Variants in MALRD1 observed in about 807,000 individuals in gnomAD.
The protein encoded by MALRD1 is MAM and LDL receptor class A domain containing 1, also known as MAM and LDL-receptor class A domain-containing protein 1.
MALRD1 carries 247 observed loss-of-function variants against 242.1 expected under a neutral mutation model. The ratio of observed to expected loss-of-function variants is 1.02; its 90% CI spans 0.92 to 1.13. The LOEUF is 1.13. Among genes scored for constraint, MALRD1 ranks in the 50% most tolerant of loss-of-function variants. MALRD1 has a pLI of 0.00. For missense variants in MALRD1, 2,989 were observed against 2,533.1 expected, an observed-to-expected ratio of 1.18 and a Z score of -3.86; for synonymous variants, 995 against 866.6, an observed-to-expected ratio of 1.15 and a Z score of -2.60.
At chr10:19,589,554 T>A (rs890755679) in intron 33 of MALRD1, among the ~76,000 whole-genome samples, 1 of 152,214 alleles carries the variant, frequency 6.6e-6, no homozygotes, top group Admixed American at 6.5e-5. Context: ...CATATAAGTC[T>A]CTTTGTTCTT....
Position 19,324,051 on chromosome 10 carries a change from A to C in MALRD1, c.3522A>C (p.Lys1174Asn). ...LTPIISLTGP[K>N]CTLVFWTHMN... ...CTATCATTTCACTCACGGGACCAAA[A>C]TGTACCTTGGTGTTCTGGACACATA... The change falls in exon 22 of 40, where the codon AAA becomes AAC. Residue 1174 changes from lysine (K) to asparagine (N), a missense_variant. Coordinates refer to ENST00000454679, the MANE Select transcript of MALRD1 (RefSeq NM_001142308.3). The C allele has an allele frequency of 6.4e-7, 1 of 1,550,640 alleles. No homozygotes were observed. The highest frequency in any genetic ancestry group is 2.4e-5 in the East Asian group (1 of 40,908).
At position 19,208,111 on chromosome 10, in the gene MALRD1, T is replaced by C. The variant is rs186228571; in HGVS notation, c.2579-1157T>C. 5.1e-4 allele frequency among the ~76,000 whole-genome samples: 78 copies of C among 151,824 alleles called. 1 individual carries two copies. The highest frequency in any genetic ancestry group is 1.6e-3 in the African/African-American group (68 of 41,382). ...TTTTTTTTTTTTTTACCACAGTTGG[T>C]TGTGGGTTAGTGTAACTGCTAAAAG... On this transcript the variant is annotated intron_variant, in intron 17 of 39. Coordinates refer to ENST00000454679, the MANE Select transcript of MALRD1 (RefSeq NM_001142308.3).
Position 19,525,134 on chromosome 10 carries a change from C to T in MALRD1, c.5321-6060C>T, listed in dbSNP as rs1027139091. Reference sequence around the variant, plus strand: ...TTCCCTATGTTGGTCAGGCTGGTCTCGAGCTCCTGCCCCTAGGTGATCTGC... The same window carrying T: ...TTCCCTATGTTGGTCAGGCTGGTCTTGAGCTCCTGCCCCTAGGTGATCTGC... On this transcript the variant is annotated intron_variant, in intron 31 of 39. Coordinates refer to ENST00000454679, the MANE Select transcript of MALRD1 (RefSeq NM_001142308.3). 8.6e-5 allele frequency among the ~76,000 whole-genome samples: 13 copies of T among 150,766 alleles called. No homozygotes were observed. In the South Asian group the frequency reaches 1.3e-3, roughly 15 times the overall value.
chr10:19,076,098 T>G lies in MALRD1; in HGVS notation c.340+9239T>G, dbSNP rs956322547. On this transcript the variant is annotated intron_variant, in intron 2 of 39. Coordinates refer to ENST00000454679, the MANE Select transcript of MALRD1 (RefSeq NM_001142308.3). ...TTTACATGGTTCCAGTTCCTCCAGT[T>G]TTTCATTTATGTGTTTAACTTTTTT... is the stretch of plus-strand genomic sequence containing the variant. Among the ~76,000 whole-genome samples the G allele has an allele frequency of 2.6e-5, 4 of 152,038 alleles. No individual in the cohort carries two copies. The East Asian group carries it at 7.8e-4, about 30-fold the overall frequency.
At chr10:19,524,757 T>C (rs938630525) in intron 31 of MALRD1, among the ~76,000 whole-genome samples, 1 of 152,194 alleles carries the variant, frequency 6.6e-6, no homozygotes, top group Admixed American at 6.5e-5. Flanking sequence ...TGAGTCTTAA[T>C]TTAAAGCAGG....
intron 26 of MALRD1, among the ~76,000 whole-genome samples, chr10:19,352,809 GA>G (rs1354871460): frequency 2.6e-5 from 4 of 152,108 alleles, no homozygotes; most frequent in Non-Finnish European, 4.4e-5. Flanking sequence ...TTTGTTGAAA[GA>G]ATTTTACTCA....
At chr10:19,592,354 G>A (rs1310349993) in intron 33 of MALRD1, among the ~76,000 whole-genome samples, 1 of 152,238 alleles carries the variant, frequency 6.6e-6, no homozygotes, top group East Asian at 1.9e-4. Flanking sequence ...GCTCTTCGTA[G>A]ATGCCCTACA....
At chr10:19,450,594 A>G in intron 29 of MALRD1, 104 bp downstream of exon 29, 2 of 977,352 alleles carry the variant, frequency 2.0e-6, no homozygotes, top group Non-Finnish European at 3.0e-6. Flanking sequence ...TATTTTGTAC[A>G]CATACACAAA....
intron 32 of MALRD1, among the ~76,000 whole-genome samples, chr10:19,560,803 G>T (rs905611985): frequency 6.6e-6 from 1 of 151,902 alleles, no homozygotes; most frequent in African/African-American, 2.4e-5. Context: ...CACACACTGG[G>T]GCCTGTTGGG....
chr10:19,179,707 A>G (rs931856393), intron 14 of MALRD1, among the ~76,000 whole-genome samples: 40 of 152,334 alleles, frequency 2.6e-4, no homozygotes, highest in African/African-American at 8.7e-4. Flanking sequence ...TATTTTTAAC[A>G]TCATAATATT....
intron 1 of MALRD1, 149 bp downstream of exon 1, chr10:19,049,286 T>C (rs987507337): frequency 2.0e-6 from 1 of 504,942 alleles, no homozygotes. Context: ...CTAAGATATA[T>C]TGTTTACTAA....
At chr10:19,073,592 C>T (rs1835225651) in intron 2 of MALRD1, among the ~76,000 whole-genome samples, 1 of 152,082 alleles carries the variant, frequency 6.6e-6, no homozygotes, top group South Asian at 2.1e-4. Flanking sequence ...TACAAAATTA[C>T]CTTCAGGTTA....
chr10:19,368,863 A>G (rs1185780085), intron 26 of MALRD1, among the ~76,000 whole-genome samples: 1 of 117,480 alleles, frequency 8.5e-6, no homozygotes, highest in Non-Finnish European at 1.8e-5. Context: ...CTTTTTGGTG[A>G]TTTGTGTATG....
At chr10:19,651,434 A>C (rs186995094) in intron 36 of MALRD1, among the ~76,000 whole-genome samples, 2 of 152,310 alleles carry the variant, frequency 1.3e-5, no homozygotes, top group East Asian at 3.9e-4. Context: ...CATCCTACTT[A>C]CATATTATTC....
At chr10:19,224,274 G>A (rs976735604) in intron 18 of MALRD1, among the ~76,000 whole-genome samples, 3 of 148,916 alleles carry the variant, frequency 2.0e-5, no homozygotes, top group Admixed American at 7.0e-5. Flanking sequence ...ATTGGACCAG[G>A]GATGATGAGC....
In MALRD1 at chr10:19,728,016, G is replaced by A. The variant is rs185984567; in HGVS notation, c.6315-2690G>A. Among the ~76,000 whole-genome samples the A allele has an allele frequency of 4.6e-5, 7 of 152,108 alleles. No homozygotes were observed. In the East Asian group the frequency reaches 1.2e-3, roughly 25 times the overall value. ...TTCCTTCATGGAAGAATCTGTGGAC[G>A]GTGTAATAGTTTACCTTATAAATAA... On this transcript the variant is annotated intron_variant, in intron 38 of 39. Coordinates refer to ENST00000454679, the MANE Select transcript of MALRD1 (RefSeq NM_001142308.3).
chr10:19,449,238 G>C (rs566328047), intron 28 of MALRD1, among the ~76,000 whole-genome samples: 1 of 152,094 alleles, frequency 6.6e-6, no homozygotes. Flanking sequence ...GTGCAGTGGC[G>C]CGATCTCAGC....
intron 36 of MALRD1, among the ~76,000 whole-genome samples, chr10:19,626,451 A>G (rs189492626): frequency 6.6e-6 from 1 of 152,188 alleles, no homozygotes. Flanking sequence ...TTGACAGCCT[A>G]GGAAATCCAC....
rs918433060 is a variant in MALRD1 at position 19,201,472 on chromosome 10, T to C, written c.1952-2256T>C. The stretch of plus-strand genomic sequence containing the variant: ...GGATAGCAGATAATAAGGTTCCCCT[T>C]CCAGGTAGCTATGGGAGATAGATAT... On this transcript the variant is annotated intron_variant, in intron 14 of 39. Coordinates refer to ENST00000454679, the MANE Select transcript of MALRD1 (RefSeq NM_001142308.3). 5.9e-5 allele frequency among the ~76,000 whole-genome samples: 9 copies of C among 152,184 alleles called. 1 individual carries two copies. The South Asian group carries it at 1.7e-3, about 28-fold the overall frequency.
Sources: allele counts gnomAD v4.1 joint callset (sites outside exome capture counted in the v4.1 genomes callset), GRCh38; gene constraint gnomAD v4.1.1; transcripts MANE v1.5; gene names NCBI Gene and HGNC (gene_info 2026-07-23, HGNC 2026-07-21).